NAV2: variants seen among roughly 807,000 people sequenced by gnomAD.
NAV2 encodes neuron navigator 2, also known as helicase, APC down-regulated 1.
A neutral mutation model predicts 223.2 loss-of-function variants in NAV2; 54 were observed. The observed-to-expected ratio is 0.24, with a 90% CI of 0.19 to 0.30. The LOEUF (loss-of-function observed/expected upper bound fraction) is 0.30. Among genes scored for constraint, NAV2 ranks in the 10% least tolerant of loss-of-function variants. The pLI is 1.00. For synonymous variants in NAV2, 1,279 were observed against 1,239.3 expected (o/e 1.03, Z -0.67); for missense variants, 2,806 against 3,147.5 (o/e 0.89, Z 2.60).
intron 1 of NAV2, among the ~76,000 whole-genome samples, chr11:19,411,392 G>A (rs912304932): frequency 2.0e-5 from 3 of 152,128 alleles, no homozygotes; most frequent in Non-Finnish European, 2.9e-5. Context: ...TCTCACATGC[G>A]TTTAGGTGCT....
At chr11:19,466,984 T>TCTCTACACACAC (rs200910419) in intron 1 of NAV2, among the ~76,000 whole-genome samples, 1 of 125,142 alleles carries the variant, frequency 8.0e-6, no homozygotes. Flanking sequence ...TCTCTCTCTC[T>TCTCTACACACAC]ACACACACAC....
At chr11:19,706,449 T>C (rs2049665351) in intron 1 of NAV2, among the ~76,000 whole-genome samples, 1 of 152,218 alleles carries the variant, frequency 6.6e-6, no homozygotes, top group East Asian at 1.9e-4. Context: ...TAGTTGACCC[T>C]CCTTTGTGCC....
intron 20 of NAV2, among the ~76,000 whole-genome samples, chr11:20,062,722 T>C (rs1446270645): frequency 6.6e-6 from 1 of 152,178 alleles, no homozygotes; most frequent in Admixed American, 6.5e-5. Flanking sequence ...TGAGACGGAG[T>C]CTCCCTCTGT....
chr11:19,913,022 T>C (rs1040853446), intron 6 of NAV2, among the ~76,000 whole-genome samples: 1 of 152,194 alleles, frequency 6.6e-6, no homozygotes, highest in Admixed American at 6.5e-5. Flanking sequence ...TTTCTGTGCA[T>C]CAGAGTCGCC....
At chr11:19,758,688 G>A (rs1194715738) in intron 1 of NAV2, among the ~76,000 whole-genome samples, 1 of 152,222 alleles carries the variant, frequency 6.6e-6, no homozygotes, top group South Asian at 2.1e-4. Flanking sequence ...GCCCTGTGGA[G>A]CCCTCTGCTA....
chr11:19,623,103 T>C (rs1265517252), intron 1 of NAV2, among the ~76,000 whole-genome samples: 1 of 152,226 alleles, frequency 6.6e-6, no homozygotes, highest in African/African-American at 2.4e-5. Flanking sequence ...CCCACTCTCT[T>C]CTAGCTTATA....
chr11:19,692,678 T>C (rs1374370252), intron 1 of NAV2, among the ~76,000 whole-genome samples: 1 of 152,232 alleles, frequency 6.6e-6, no homozygotes, highest in African/African-American at 2.4e-5. Flanking sequence ...TTTTGCATAT[T>C]GATCATACAG....
chr11:19,931,488 C>G (rs1456815476), intron 6 of NAV2, among the ~76,000 whole-genome samples: 2 of 152,042 alleles, frequency 1.3e-5, no homozygotes, highest in East Asian at 1.9e-4. Context: ...ACGCCCCACA[C>G]AGGGGCTGCC....
intron 1 of NAV2, among the ~76,000 whole-genome samples, chr11:19,831,243 T>TGGGGGGGG (rs1565392533): frequency 3.2e-3 from 6 of 1,866 alleles, no homozygotes; most frequent in African/African-American, 0.012. Flanking sequence ...GGGGGCGCGA[T>TGGGGGGGG]GGGGAGTGGG....
At chr11:19,696,745 G>A (rs1185736056) in intron 1 of NAV2, among the ~76,000 whole-genome samples, 1 of 152,208 alleles carries the variant, frequency 6.6e-6, no homozygotes, top group Non-Finnish European at 1.5e-5. Flanking sequence ...ATTGCAGCAG[G>A]CATTGTGCTC....
At chr11:19,629,929 A>G (rs974452129) in intron 1 of NAV2, among the ~76,000 whole-genome samples, 9 of 152,122 alleles carry the variant, frequency 5.9e-5, no homozygotes, top group Non-Finnish European at 1.2e-4. Context: ...CTCTCTCACT[A>G]TAATAATCCT....
chr11:19,665,934 A>ATCG (rs2048397953), intron 1 of NAV2, among the ~76,000 whole-genome samples: 1 of 152,088 alleles, frequency 6.6e-6, no homozygotes. Context: ...CATCATCATC[A>ATCG]TCGTCATCAT....
chr11:19,429,180 G>A (rs891643076), intron 1 of NAV2, among the ~76,000 whole-genome samples: 7 of 152,238 alleles, frequency 4.6e-5, no homozygotes, highest in African/African-American at 1.4e-4. Context: ...TCCAGAGGTG[G>A]TGGTTTCCAG....
intron 1 of NAV2, among the ~76,000 whole-genome samples, chr11:19,631,635 C>A (rs2047348940): frequency 6.6e-6 from 1 of 152,224 alleles, no homozygotes; most frequent in Non-Finnish European, 1.5e-5. Context: ...CACAGCACTT[C>A]ACTCTCAGTG....
At chr11:19,816,752 C>A (rs1417129494) in intron 1 of NAV2, among the ~76,000 whole-genome samples, 1 of 152,160 alleles carries the variant, frequency 6.6e-6, no homozygotes, top group African/African-American at 2.4e-5. Flanking sequence ...ATTCTGAGGT[C>A]AGTGCTTTAT....
chr11:19,920,013 T>TGGTCCTAG (rs1367192151), intron 6 of NAV2, among the ~76,000 whole-genome samples: 1 of 152,132 alleles, frequency 6.6e-6, no homozygotes, highest in Non-Finnish European at 1.5e-5. Flanking sequence ...CATGTACCTG[T>TGGTCCTAG]GGTCCTAGTT....
At position 19,713,917 on chromosome 11, in the gene NAV2, C is replaced by T. The variant is rs770120764; in HGVS notation, c.222C>T (p.Leu74=). The T allele has an allele frequency of 2.0e-5, 32 of 1,613,408 alleles. No homozygotes were observed. Among genetic ancestry groups the T allele is most frequent in the Non-Finnish European group, 2.7e-5 (32 of 1,179,974 alleles). The part of the protein sequence containing the change: ...QGLQEPAGEG[L]PLRKSGSVEN... Reference sequence around the variant, plus strand: ...TGCAGGAGCCAGCGGGGGAGGGGCTCCCGCTGCGGAAGAGCGGCTCGGTGG... The same window carrying T: ...TGCAGGAGCCAGCGGGGGAGGGGCTTCCGCTGCGGAAGAGCGGCTCGGTGG... Residue 74 remains leucine (L), a synonymous_variant, in exon 1 of 38, where the codon CTC becomes CTT. Transcript: ENST00000349880. The surrounding 1 kb of genome is among the most constrained non-coding windows in gnomAD (Gnocchi z 7.2).
chr11:19,468,016 G>T (rs766725736), intron 1 of NAV2, among the ~76,000 whole-genome samples: 12 of 152,164 alleles, frequency 7.9e-5, no homozygotes, highest in Non-Finnish European at 1.2e-4. Flanking sequence ...AGGCTTGGGT[G>T]GGCAGAAGGA....
chr11:20,025,629 G>T (rs562088563), intron 11 of NAV2, among the ~76,000 whole-genome samples: 3 of 152,246 alleles, frequency 2.0e-5, no homozygotes, highest in Non-Finnish European at 2.9e-5. Context: ...GTCAAGGAAT[G>T]AGTTACCAAA....
Sources: gnomAD v4.1 joint callset for allele counts (sites outside exome capture counted in the v4.1 genomes callset) on GRCh38, gnomAD v4.1.1 for gene constraint, Gnocchi (gnomAD v3.1) non-coding constraint, MANE v1.5 for transcripts, NCBI Gene and HGNC (gene_info 2026-07-23, HGNC 2026-07-21) for gene names.